FKBP3: variants seen among roughly 807,000 people sequenced by gnomAD.
FKBP3 encodes peptidyl-prolyl cis-trans isomerase FKBP3.
A neutral mutation model predicts 30.6 loss-of-function variants in FKBP3; 21 were observed. That is an observed-to-expected ratio of 0.69 (90% CI 0.49 to 0.99). The LOEUF is 0.99. Among genes scored for constraint, FKBP3 ranks in the 50% least tolerant of loss-of-function variants. The pLI is 0.00. For missense variants in FKBP3, 283 were observed against 261.6 expected (o/e 1.08, Z -0.56); for synonymous variants, 82 against 91.3 (o/e 0.90, Z 0.58).
chr14:45,121,099 A>C, intron 4 of FKBP3, 145 bp from the exon 5 acceptor site: 1 of 695,954 alleles, frequency 1.4e-6, no homozygotes, highest in East Asian at 2.7e-5. Flanking sequence ...AGAAGGAAAA[A>C]ATTTACAAAG....
chr14:45,116,143 CA>C lies in FKBP3; in HGVS notation c.*54del. Reference sequence around the variant, plus strand: ...TTCTAACTAGTTGTGTAAATTTCTTCAAGGCCAAGTTTTATCATTGTTGCTA... The same window carrying C: ...TTCTAACTAGTTGTGTAAATTTCTTCAGGCCAAGTTTTATCATTGTTGCTA... On this transcript the variant is annotated 3_prime_UTR_variant, in exon 7 of 7. Coordinates refer to ENST00000396062, the MANE Select transcript of FKBP3 (RefSeq NM_002013.4). The C allele has an allele frequency of 1.5e-6, 2 of 1,324,248 alleles. No homozygotes were observed. Among genetic ancestry groups the C allele is most frequent in the Non-Finnish European group, 2.2e-6 (2 of 923,952 alleles). 82.0% of individuals were successfully genotyped at this position (1,324,248 alleles called of 1,614,324 possible).
At chr14:45,128,749 G>T (rs1885153376) in intron 3 of FKBP3, among the ~76,000 whole-genome samples, 1 of 152,180 alleles carries the variant, frequency 6.6e-6, no homozygotes, top group South Asian at 2.1e-4. Context: ...GCTTGCTCTA[G>T]ATTGTCTCTA....
chr14:45,121,606 A>G lies in FKBP3; in HGVS notation c.333T>C (p.Tyr111=), dbSNP rs778824729. 6.2e-7 allele frequency: 1 copy of G among 1,613,530 alleles called. No individual in the cohort carries two copies. The highest frequency in any genetic ancestry group is 1.1e-5 in the South Asian group (1 of 91,036). ...EETLDEGPPK[Y]TKSVLKKGDK... is the part of the protein sequence containing the mutation. ...CTCCCTTTTTCAGAACAGATTTAGT[A>G]TATTTTGGTGGACCCTAAAAACAAA... The change falls in exon 4 of 7, where the codon TAT becomes TAC. Residue 111 remains tyrosine, a synonymous_variant. Transcript: ENST00000396062.
chr14:45,117,610 C>G (rs2139074727), intron 6 of FKBP3, among the ~76,000 whole-genome samples: 1 of 152,294 alleles, frequency 6.6e-6, no homozygotes, highest in African/African-American at 2.4e-5. Flanking sequence ...TCTCCCACAT[C>G]TATTCCATTT....
In FKBP3 at chr14:45,118,955, T is replaced by C. The variant is rs117778976; in HGVS notation, c.523-830A>G. On this transcript the variant is annotated intron_variant, in intron 5 of 6. Coordinates refer to ENST00000396062, the MANE Select transcript of FKBP3 (RefSeq NM_002013.4). Reference sequence around the variant, plus strand: ...CACTGCAGCCTCTGCCTCCCGGGTTTAACCGATTCTCCTGCCTCAGCCTCC... The same window carrying C: ...CACTGCAGCCTCTGCCTCCCGGGTTCAACCGATTCTCCTGCCTCAGCCTCC... Among the ~76,000 whole-genome samples, 414 of 152,190 alleles carry C rather than the reference T, an allele frequency of 2.7e-3. 2 individuals carry two copies. The highest frequency in any genetic ancestry group is 4.8e-3 in the Non-Finnish European group (328 of 67,998).
chr14:45,119,511 G>A (rs1249550269), intron 5 of FKBP3, among the ~76,000 whole-genome samples: 1 of 151,846 alleles, frequency 6.6e-6, no homozygotes, highest in East Asian at 2.0e-4. Context: ...AGAGGTTGCA[G>A]TAAGCCGAGA....
Position 45,130,819 on chromosome 14 carries a change from G to A in FKBP3, c.109-19C>T. 1 of 1,463,712 alleles carries A rather than the reference G, an allele frequency of 6.8e-7. No individual in the cohort carries two copies. The highest frequency in any genetic ancestry group is 9.4e-7 in the Non-Finnish European group (1 of 1,059,256). The allele number at this position is 1,463,712 out of a possible 1,614,324, so 90.7% of individuals were successfully genotyped here. A position where few individuals can be genotyped will look rare whatever the true frequency, so the allele number is the denominator to read the frequency against. ...CAAGAAACTATAAGGAAAAAAGCTG[G>A]GTAATCAAGATAACTTCTCCCGAGT... On this transcript the variant is annotated intron_variant, in intron 1 of 6. Transcript: ENST00000396062.
intron 4 of FKBP3, among the ~76,000 whole-genome samples, chr14:45,121,232 A>G (rs1169391760): frequency 1.3e-5 from 2 of 152,156 alleles, no homozygotes; most frequent in South Asian, 2.1e-4. Flanking sequence ...TCAAATACTA[A>G]TGCCTTACTT....
chr14:45,126,325 T>C (rs1245123906), intron 3 of FKBP3, among the ~76,000 whole-genome samples: 2 of 151,720 alleles, frequency 1.3e-5, no homozygotes, highest in East Asian at 2.0e-4. Context: ...CTGTCTCTAC[T>C]AAAAATACAA....
intron 3 of FKBP3, among the ~76,000 whole-genome samples, chr14:45,122,692 A>G (rs1375928673): frequency 6.6e-6 from 1 of 151,662 alleles, no homozygotes; most frequent in Non-Finnish European, 1.5e-5. Context: ...TTTAGTAGAG[A>G]CACGGTTTCA....
intron 5 of FKBP3, among the ~76,000 whole-genome samples, chr14:45,118,420 A>G (rs886703280): frequency 3.3e-5 from 5 of 152,152 alleles, no homozygotes; most frequent in Non-Finnish European, 5.9e-5. Context: ...ACTTAAGGTC[A>G]GGAGTTTGAG....
intron 6 of FKBP3, among the ~76,000 whole-genome samples, chr14:45,116,468 G>T (rs182357611): frequency 2.6e-5 from 4 of 151,878 alleles, no homozygotes; most frequent in East Asian, 3.9e-4. Context: ...TTCTAGCTGG[G>T]GGGGGGTGGA....
chr14:45,133,062 T>C (rs1471806140), intron 1 of FKBP3, among the ~76,000 whole-genome samples: 1 of 152,238 alleles, frequency 6.6e-6, no homozygotes, highest in Non-Finnish European at 1.5e-5. Context: ...TCTGCTAAAT[T>C]AATCTAAGAT....
chr14:45,119,910 TCTC>T (rs1431206573), intron 5 of FKBP3, among the ~76,000 whole-genome samples: 6 of 151,976 alleles, frequency 3.9e-5, no homozygotes. Context: ...ATGGTCTCGA[TCTC>T]CTGACCGACC....
intron 1 of FKBP3, among the ~76,000 whole-genome samples, chr14:45,133,079 G>A (rs1885258586): frequency 6.6e-6 from 1 of 152,192 alleles, no homozygotes; most frequent in Admixed American, 6.5e-5. Flanking sequence ...AGATGCGGAT[G>A]CCAGGATAAT....
intron 3 of FKBP3, 33 bp downstream of exon 3, chr14:45,129,761 C>A: frequency 7.7e-7 from 1 of 1,303,778 alleles, no homozygotes. Context: ...CTAGACTCCA[C>A]ATGATAAAAT....
Position 45,134,423 on chromosome 14 carries a change from C to G in FKBP3, c.34G>C (p.Val12Leu). The stretch of plus-strand genomic sequence containing the variant: ...AGCTGCTCACTGCGCAGCTGCTCCA[C>G]GGTCCACGCCCGCTGTGGAACGGCC... ...AAAVPQRAWT[V>L]EQLRSEQLPK... The change falls in exon 1 of 7, where the codon GTG becomes CTG. Residue 12 changes from valine (V) to leucine (L), a missense_variant. Transcript: ENST00000396062. 6.2e-7 allele frequency: 1 copy of G among 1,612,748 alleles called. No individual in the cohort carries two copies. The highest frequency in any genetic ancestry group is 8.5e-7 in the Non-Finnish European group (1 of 1,179,524).
At chr14:45,132,809 G>A (rs1386944393) in intron 1 of FKBP3, among the ~76,000 whole-genome samples, 1 of 151,994 alleles carries the variant, frequency 6.6e-6, no homozygotes, top group East Asian at 1.9e-4. Context: ...CTTCCACGTG[G>A]CCCAGTTTTA....
intron 1 of FKBP3, 199 bp from the exon 2 acceptor site, chr14:45,130,999 T>C (rs539043623): frequency 4.3e-6 from 2 of 462,936 alleles, no homozygotes; most frequent in East Asian, 3.7e-5. Context: ...CAAGAATTAG[T>C]GACAAGACTG....
Sources: gnomAD v4.1 joint callset for allele counts (sites outside exome capture counted in the v4.1 genomes callset) on GRCh38, gnomAD v4.1.1 for gene constraint, MANE v1.5 for transcripts, NCBI Gene and HGNC (gene_info 2026-07-23, HGNC 2026-07-21) for gene names.